Variants in ARFGEF1 observed in about 807,000 individuals in gnomAD.
The protein encoded by ARFGEF1 is ARF guanine nucleotide exchange factor 1.
ARFGEF1 carries 42 observed loss-of-function variants against 231.0 expected under a neutral mutation model. The ratio of observed to expected loss-of-function variants is 0.18; its 90% confidence interval spans 0.14 to 0.24. ARFGEF1 has a LOEUF of 0.24. Among genes scored for constraint, ARFGEF1 ranks in the 10% least tolerant of loss-of-function variants. The pLI, the probability that ARFGEF1 is intolerant of heterozygous loss-of-function variation, is 1.00. For synonymous variants in ARFGEF1, 710 were observed against 732.3 expected (o/e 0.97, Z 0.49); for missense variants, 1,345 against 2,192.0 (o/e 0.61, Z 7.72).
At chr8:67,225,747 T>C (rs775538424) in intron 28 of ARFGEF1, among the ~76,000 whole-genome samples, 11 of 152,142 alleles carry the variant, frequency 7.2e-5, no homozygotes, top group Non-Finnish European at 1.5e-4. Flanking sequence ...AGTTTCTTTG[T>C]CTGTATGGGG....
At chr8:67,243,309 G>A (rs74900944) in intron 19 of ARFGEF1, among the ~76,000 whole-genome samples, 1 of 152,164 alleles carries the variant, frequency 6.6e-6, no homozygotes, top group African/African-American at 2.4e-5. Context: ...AGAAAAACAG[G>A]CTTAATGGAC....
chr8:67,313,521 C>G (rs1807167231), intron 1 of ARFGEF1, among the ~76,000 whole-genome samples: 1 of 152,174 alleles, frequency 6.6e-6, no homozygotes, highest in African/African-American at 2.4e-5. Flanking sequence ...ATGTGGCTTC[C>G]TGTGAGCCGA....
intron 5 of ARFGEF1, among the ~76,000 whole-genome samples, chr8:67,186,387 T>C (rs866330224): frequency 6.9e-6 from 1 of 145,606 alleles, no homozygotes; most frequent in African/African-American, 2.5e-5. Context: ...GACAAAAATA[T>C]ACATGTGAAA....
In ARFGEF1 at chr8:67,253,575, A is replaced by G; in HGVS notation, c.2574T>C (p.Gly858=). The G allele has an allele frequency of 6.3e-7, 1 of 1,577,150 alleles. No individual in the cohort carries two copies. Among genetic ancestry groups the G allele is most frequent in the Non-Finnish European group, 8.7e-7 (1 of 1,150,766 alleles). ...TKEQYIKMNR[G]INDSKDLPEE... ...CAGGAAGGTCTTTACTGTCATTGAT[A>G]CCTCTATTCATCTTAATGTATTGTT... Residue 858 remains glycine, a synonymous_variant, in exon 18 of 39, where the codon GGT becomes GGC. Coordinates refer to ENST00000262215, the MANE Select transcript of ARFGEF1 (RefSeq NM_006421.5).
At chr8:67,273,024 T>C (rs1231191774) in intron 9 of ARFGEF1, among the ~76,000 whole-genome samples, 7 of 152,030 alleles carry the variant, frequency 4.6e-5, no homozygotes, top group Admixed American at 4.6e-4. Flanking sequence ...GGAGAATCAC[T>C]TGAACCTGGG....
At chr8:67,203,044 T>A in intron 36 of ARFGEF1, 39 bp downstream of exon 36, 1 of 1,585,160 alleles carries the variant, frequency 6.3e-7, no homozygotes, top group Non-Finnish European at 8.6e-7. Flanking sequence ...CCCACATCCA[T>A]CAACAGTAAA....
At chr8:67,274,928 G>C (rs1454791334) in intron 9 of ARFGEF1, among the ~76,000 whole-genome samples, 2 of 151,982 alleles carry the variant, frequency 1.3e-5, no homozygotes, top group East Asian at 3.9e-4. Context: ...TCTGACTTAG[G>C]GTTTGGGTCT....
At chr8:67,294,389 T>G (rs1484306545) in intron 5 of ARFGEF1, among the ~76,000 whole-genome samples, 1 of 152,142 alleles carries the variant, frequency 6.6e-6, no homozygotes, top group Non-Finnish European at 1.5e-5. Context: ...AGCATTACCC[T>G]ATTGCAGAGT....
intron 7 of ARFGEF1, among the ~76,000 whole-genome samples, chr8:67,277,662 G>C (rs1805369185): frequency 6.6e-6 from 1 of 152,260 alleles, no homozygotes; most frequent in Non-Finnish European, 1.5e-5. Context: ...AGTTGCTCTG[G>C]CAATGAAACA....
At chr8:67,300,324 G>A (rs1305536879) in intron 3 of ARFGEF1, among the ~76,000 whole-genome samples, 1 of 152,112 alleles carries the variant, frequency 6.6e-6, no homozygotes, top group African/African-American at 2.4e-5. Context: ...CCCAAATAGT[G>A]AGAACATCTG....
intron 5 of ARFGEF1, among the ~76,000 whole-genome samples, chr8:67,296,090 A>G (rs1377904760): frequency 6.6e-6 from 1 of 152,178 alleles, no homozygotes; most frequent in African/African-American, 2.4e-5. Flanking sequence ...GAATAATTTT[A>G]TTTCAGATTA....
chr8:67,334,067 CG>C (rs1269472099), intron 1 of ARFGEF1, among the ~76,000 whole-genome samples: 2 of 144,358 alleles, frequency 1.4e-5, no homozygotes, highest in East Asian at 2.0e-4. Flanking sequence ...ACCTGGGAAG[CG>C]GAAGTTACAG....
rs540386583 is a variant in ARFGEF1, at chr8:67,285,527, C to CA, written c.1027+2427dup. Among the ~76,000 whole-genome samples the CA allele has an allele frequency of 3.8e-3, 564 of 148,524 alleles. 3 individuals carry two copies. Among genetic ancestry groups the CA allele is most frequent in the Non-Finnish European group, 5.7e-3 (379 of 66,850 alleles). Reference sequence around the variant, plus strand: ...GCAAGACCTTATCTTGGGGGGAAAACAAAAAAAAACACTGGGTGAATAAAT... The same window carrying CA: ...GCAAGACCTTATCTTGGGGGGAAAACAAAAAAAAAACACTGGGTGAATAAAT... On this transcript the variant is annotated intron_variant, in intron 7 of 38. Coordinates refer to ENST00000262215, the MANE Select transcript of ARFGEF1 (RefSeq NM_006421.5).
chr8:67,315,283 G>A (rs1807256397), intron 1 of ARFGEF1, among the ~76,000 whole-genome samples: 1 of 151,998 alleles, frequency 6.6e-6, no homozygotes, highest in South Asian at 2.1e-4. Flanking sequence ...GAACTAAAAG[G>A]AGAAACAGAC....
intron 7 of ARFGEF1, among the ~76,000 whole-genome samples, chr8:67,283,084 C>A (rs1805605533): frequency 6.6e-6 from 1 of 151,936 alleles, no homozygotes; most frequent in Admixed American, 6.6e-5. Context: ...TACAAAATGG[C>A]CAATGTTTGA....
At chr8:67,196,110 G>A (rs1192891947), downstream of ARFGEF1, 2 of 152,720 alleles carry the variant, frequency 1.3e-5, no homozygotes, top group African/African-American at 2.4e-5. Flanking sequence ...GAAGGGAACT[G>A]TAATTACTTG....
intron 1 of ARFGEF1, among the ~76,000 whole-genome samples, chr8:67,339,795 CG>C (rs746222432): frequency 0.017 from 248 of 14,270 alleles, 74 homozygotes; most frequent in Non-Finnish European, 0.021. Flanking sequence ...CAGTGTGGGG[CG>C]GGGGGGGGGA....
intron 9 of ARFGEF1, among the ~76,000 whole-genome samples, chr8:67,273,233 A>C (rs1282212161): frequency 6.6e-6 from 1 of 152,070 alleles, no homozygotes; most frequent in South Asian, 2.1e-4. Context: ...ATTTTTTCCC[A>C]ATCAATATAC....
chr8:67,319,450 G>A (rs1188388292), intron 1 of ARFGEF1, among the ~76,000 whole-genome samples: 2 of 151,358 alleles, frequency 1.3e-5, no homozygotes, highest in African/African-American at 4.9e-5. Context: ...GCAATTCAAT[G>A]GAGAAAGGAT....
Sources: allele counts gnomAD v4.1 joint callset (sites outside exome capture counted in the v4.1 genomes callset), GRCh38; gene constraint gnomAD v4.1.1; transcripts MANE v1.5; gene names NCBI Gene and HGNC (gene_info 2026-07-23, HGNC 2026-07-21).